Variants in MROH2B observed in about 807,000 individuals in gnomAD.
MROH2B encodes maestro heat like repeat family member 2B.
MROH2B carries 177 observed loss-of-function variants against 208.6 expected under a neutral mutation model. The ratio of observed to expected loss-of-function variants is 0.85; its 90% CI spans 0.75 to 0.96. MROH2B has a LOEUF of 0.96. MROH2B is among the 40% of genes least tolerant of loss of function. The pLI is 0.00. For synonymous variants in MROH2B, 728 were observed against 659.0 expected (o/e 1.10, Z -1.60); for missense variants, 2,002 against 1,878.7 (o/e 1.07, Z -1.21).
chr5:41,047,807 C>A, intron 16 of MROH2B, 43 bp from the exon 17 acceptor site: 2 of 1,519,254 alleles, frequency 1.3e-6, no homozygotes, highest in Non-Finnish European at 1.8e-6. Flanking sequence ...AAAACAAAAC[C>A]ACCCCAAGAC....
chr5:41,012,581 A>C lies in MROH2B; in HGVS notation c.3135+2T>G. ...AGTTGTTAAAACTGGCTATCAGTTCACCTGATCTTCCAGAGCAGCTCCCTG... is the reference window on the plus strand; with the variant it reads ...AGTTGTTAAAACTGGCTATCAGTTCCCCTGATCTTCCAGAGCAGCTCCCTG... On this transcript the variant is annotated splice_donor_variant, in intron 30 of 41. Transcript: ENST00000399564. LOFTEE classifies it high-confidence loss of function. 1 of 1,606,714 alleles carries C rather than the reference A, an allele frequency of 6.2e-7. No homozygotes were observed. The highest frequency in any genetic ancestry group is 8.5e-7 in the Non-Finnish European group (1 of 1,177,950).
At chr5:41,069,857 C>G (rs1743931150) in intron 1 of MROH2B, 105 bp from the exon 2 acceptor site, 2 of 804,576 alleles carry the variant, frequency 2.5e-6, no homozygotes, top group South Asian at 3.2e-5. Context: ...TATCCTCTCT[C>G]TCTCTCTCTC....
Position 41,050,864 on chromosome 5 carries a change from G to A in MROH2B, c.1344+113C>T, listed in dbSNP as rs77812975. 1,370 of 688,540 alleles carry A rather than the reference G, an allele frequency of 2.0e-3. 24 individuals are homozygous for A. In the East Asian group the frequency reaches 0.037, roughly 19 times the overall value. The allele number at this position is 688,540 out of a possible 1,614,324, so 42.7% of individuals were successfully genotyped here. ...TTGCAATATACTTCCTCTAGTCAGA[G>A]CATCAGGAAGCTGATGACAAATGGA... On this transcript the variant is annotated intron_variant, in intron 13 of 41. Coordinates refer to ENST00000399564, the MANE Select transcript of MROH2B (RefSeq NM_173489.5).
chr5:41,052,806 G>A (rs978439146), intron 11 of MROH2B, among the ~76,000 whole-genome samples: 1 of 152,120 alleles, frequency 6.6e-6, no homozygotes, highest in African/African-American at 2.4e-5. Flanking sequence ...TGAAATGTTT[G>A]CATTAAACTT....
intron 33 of MROH2B, 111 bp from the exon 34 acceptor site, chr5:41,007,565 G>C: frequency 1.9e-6 from 2 of 1,072,130 alleles, no homozygotes; most frequent in Admixed American, 4.0e-5. Context: ...TGGACTAGGG[G>C]ATGTTGTGTA....
At chr5:41,003,888 G>A (rs1178412482) in intron 37 of MROH2B, among the ~76,000 whole-genome samples, 1 of 152,164 alleles carries the variant, frequency 6.6e-6, no homozygotes, top group African/African-American at 2.4e-5. Context: ...TCTCTGCCTA[G>A]GACTGCTGAC....
Position 41,039,547 on chromosome 5 carries a change from T to A in MROH2B, c.1962A>T (p.Thr654=), listed in dbSNP as rs1470617194. 1 of 1,580,652 alleles carries A rather than the reference T, an allele frequency of 6.3e-7. No homozygotes were observed. The highest frequency in any genetic ancestry group is 8.6e-7 in the Non-Finnish European group (1 of 1,160,130). Residue 654 remains threonine (T), a synonymous_variant, in exon 20 of 42, where the codon ACA becomes ACT. Transcript: ENST00000399564. ...TCTCGGCACAGTATCCTAAAATAGA[T>A]GTTATTCCCTAAAATCAGAAAAGGT... is the stretch of plus-strand genomic sequence containing the variant. ...NQLGDQRQGI[T]SILGYCAENH... is the part of the protein sequence containing the mutation.
intron 24 of MROH2B, among the ~76,000 whole-genome samples, chr5:41,024,737 T>C: frequency 6.6e-6 from 1 of 152,200 alleles, no homozygotes; most frequent in Non-Finnish European, 1.5e-5. Flanking sequence ...TATATATTCT[T>C]CTAAGCACCA....
chr5:41,022,926 C>A (rs548747413), intron 24 of MROH2B, among the ~76,000 whole-genome samples: 3 of 148,690 alleles, frequency 2.0e-5, no homozygotes, highest in South Asian at 2.1e-4. Flanking sequence ...GATAACCAGG[C>A]AAACAGGGTC....
At position 41,009,280 on chromosome 5, in the gene MROH2B, T is replaced by C. The variant is rs1162438326; in HGVS notation, c.3420A>G (p.Ser1140=). 6.2e-7 allele frequency: 1 copy of C among 1,613,706 alleles called. No homozygotes were observed. Among genetic ancestry groups the C allele is most frequent in the East Asian group, 2.2e-5 (1 of 44,900 alleles). Residue 1140 remains serine (S), a splice_region_variant and synonymous_variant, in exon 32 of 42, where the codon TCA becomes TCG. Transcript: ENST00000399564. The part of the protein sequence containing the change: ...EDDIARVEAI[S]VACAMYEVIS... ...GATGGGTTCAGGCTGTCCAACTCACTGAAATTGCCTCAACCCTGGCGATGT... is the reference window on the plus strand; with the variant it reads ...GATGGGTTCAGGCTGTCCAACTCACCGAAATTGCCTCAACCCTGGCGATGT...
chr5:41,055,015 T>C (rs1219740607), intron 10 of MROH2B, among the ~76,000 whole-genome samples, 175 bp from the exon 11 acceptor site: 1 of 152,212 alleles, frequency 6.6e-6, no homozygotes, highest in African/African-American at 2.4e-5. Flanking sequence ...TTTAATGATG[T>C]CCAATGCTTT....
At chr5:41,008,120 A>G (rs1289467728) in intron 33 of MROH2B, among the ~76,000 whole-genome samples, 1 of 152,246 alleles carries the variant, frequency 6.6e-6, no homozygotes, top group Non-Finnish European at 1.5e-5. Flanking sequence ...AGTTCTTTTG[A>G]TAAGTACAGA....
intron 24 of MROH2B, among the ~76,000 whole-genome samples, chr5:41,032,353 G>A (rs770876943): frequency 7.2e-5 from 11 of 152,058 alleles, no homozygotes; most frequent in Non-Finnish European, 4.4e-5. Context: ...ATGCCAAAAA[G>A]TATTTCCTTT....
At chr5:41,059,960 C>G (rs1402936158) in intron 6 of MROH2B, among the ~76,000 whole-genome samples, 1 of 152,178 alleles carries the variant, frequency 6.6e-6, no homozygotes, top group Non-Finnish European at 1.5e-5. Flanking sequence ...ATCCTCAAAC[C>G]TACTAATATC....
In MROH2B at chr5:41,050,941, C is replaced by T. The variant is rs777556310; in HGVS notation, c.1344+36G>A. The T allele has an allele frequency of 5.1e-6, 7 of 1,374,210 alleles. No homozygotes were observed. The Middle Eastern group carries it at 5.3e-4, about 105-fold the overall frequency. 85.1% of individuals were successfully genotyped at this position (1,374,210 alleles called of 1,614,324 possible). Reference sequence around the variant, plus strand: ...ACAGGCTGGGCTTTAAGAAGGTGATCAAAGTAACTGTAAGTGGTGACAAAA... The same window carrying T: ...ACAGGCTGGGCTTTAAGAAGGTGATTAAAGTAACTGTAAGTGGTGACAAAA... On this transcript the variant is annotated intron_variant, in intron 13 of 41. Coordinates refer to ENST00000399564, the MANE Select transcript of MROH2B (RefSeq NM_173489.5).
chr5:41,039,681 C>A, intron 19 of MROH2B, 126 bp from the exon 20 acceptor site: 1 of 591,332 alleles, frequency 1.7e-6, no homozygotes, highest in South Asian at 2.6e-5. Context: ...GCAGAACATA[C>A]CAAAGTCCCC....
At chr5:41,057,417 G>T in intron 7 of MROH2B, 57 bp from the exon 8 acceptor site, 1 of 1,260,672 alleles carries the variant, frequency 7.9e-7, no homozygotes. Flanking sequence ...AGCTGCACAG[G>T]ATGTGGAAGG....
At chr5:41,061,539 T>C (rs753052349) in intron 6 of MROH2B, 31 bp downstream of exon 6, 4 of 1,570,718 alleles carry the variant, frequency 2.5e-6, no homozygotes, top group South Asian at 1.2e-5. Context: ...TATAGGGACA[T>C]CCAGCTTGAG....
rs867997602 is a variant in MROH2B, at chr5:41,051,041, G to C, written c.1280C>G (p.Ser427Cys). 6.4e-7 allele frequency: 1 copy of C among 1,562,088 alleles called. No homozygotes were observed. Among genetic ancestry groups the C allele is most frequent in the Non-Finnish European group, 8.6e-7 (1 of 1,162,012 alleles). Residue 427 changes from serine to cysteine, a missense_variant, in exon 13 of 42, where the codon TCT becomes TGT. Transcript: ENST00000399564. ...GACCTCAAGGCTTGTTTCTCGGACA[G>C]ATTCCTCTTCCTTTTCATTCTCATG... ...NFHENEKEEE[S>C]VRETSLEVLK...
Sources: gnomAD v4.1 joint callset for allele counts (sites outside exome capture counted in the v4.1 genomes callset) on GRCh38, gnomAD v4.1.1 for gene constraint, MANE v1.5 for transcripts, NCBI Gene and HGNC (gene_info 2026-07-23, HGNC 2026-07-21) for gene names.